Variants in SHANK2 observed in about 807,000 individuals in gnomAD.
SHANK2 encodes the protein SH3 and multiple ankyrin repeat domains protein 2.
Under a neutral mutation model 133.7 loss-of-function variants are expected in SHANK2, and 43 were observed. That is an observed-to-expected ratio of 0.32 (90% CI 0.25 to 0.41). The LOEUF (loss-of-function observed/expected upper bound fraction) is 0.41. Among genes scored for constraint, SHANK2 ranks in the 10% least tolerant of loss-of-function variants. The pLI is 1.00. For missense variants in SHANK2, 1,994 were observed against 2,235.8 expected (o/e 0.89, Z 2.18); for synonymous variants, 1,017 against 952.8 (o/e 1.07, Z -1.24).
At chr11:71,106,826 G>A (rs1332764469) in intron 6 of SHANK2, among the ~76,000 whole-genome samples, 1 of 151,948 alleles carries the variant, frequency 6.6e-6, no homozygotes, top group Non-Finnish European at 1.5e-5. Context: ...AGGAAGGGGA[G>A]GGAAGGGGAG....
chr11:70,717,795 C>T (rs1323264782), intron 14 of SHANK2, among the ~76,000 whole-genome samples: 1 of 148,488 alleles, frequency 6.7e-6, no homozygotes, highest in Non-Finnish European at 1.5e-5. Flanking sequence ...TCATCTACTA[C>T]TGCCTGTTAA....
chr11:70,518,566 T>G (rs993097100), intron 17 of SHANK2, among the ~76,000 whole-genome samples: 3 of 152,238 alleles, frequency 2.0e-5, no homozygotes, highest in African/African-American at 4.8e-5. Flanking sequence ...CATTCCTCTT[T>G]TATCCCTTTG....
intron 14 of SHANK2, among the ~76,000 whole-genome samples, chr11:70,712,788 A>T (rs1945819591): frequency 6.6e-6 from 1 of 152,170 alleles, no homozygotes; most frequent in South Asian, 2.1e-4. Flanking sequence ...CCACATGCTC[A>T]GGGGGCCACG....
intron 15 of SHANK2, among the ~76,000 whole-genome samples, chr11:70,666,119 A>G (rs986553458): frequency 1.3e-5 from 2 of 152,170 alleles, no homozygotes; most frequent in African/African-American, 4.8e-5. Context: ...GGTTTCGAGT[A>G]AAAAGGCACC....
rs782335652 is a variant in SHANK2, at chr11:70,487,519, T to C, written c.2774A>G (p.Asn925Ser). The change falls in exon 25 of 26, where the codon AAT becomes AGT. Residue 925 changes from asparagine to serine, a missense_variant. Asn to Ser is a conservative substitution (Grantham distance 46, BLOSUM62 1). This residue lies in a region of SHANK2 where 488 missense variants were observed against 642.6 expected (regional missense o/e 0.76). Coordinates refer to ENST00000601538, the MANE Select transcript of SHANK2 (RefSeq NM_012309.5). This position sits in a 1 kb window ranked among gnomAD's most constrained non-coding sequence, Gnocchi z 5.8. ...GGACACCTTGGCGGCAGAATTCTGATTGAACGCAGGCTTAATCGTCCCGTA... is the reference window on the plus strand; with the variant it reads ...GGACACCTTGGCGGCAGAATTCTGACTGAACGCAGGCTTAATCGTCCCGTA... ...RVYGTIKPAF[N>S]QNSAAKVSPA... 1 of 1,613,860 alleles carries C rather than the reference T, an allele frequency of 6.2e-7. No homozygotes were observed. Among genetic ancestry groups the C allele is most frequent in the Non-Finnish European group, 8.5e-7 (1 of 1,180,002 alleles).
chr11:70,904,236 C>T lies in SHANK2; in HGVS notation c.1108-7669G>A, dbSNP rs532849587. 1.8e-4 allele frequency among the ~76,000 whole-genome samples: 27 copies of T among 152,320 alleles called. No individual in the cohort carries two copies. The South Asian group carries it at 5.6e-3, about 32-fold the overall frequency. On this transcript the variant is annotated intron_variant, in intron 10 of 25. Transcript: ENST00000601538. ...ATTATCTGAGTCTCATGCCAAAGGA[C>T]AGTGCTCGGTGCCCACAGGGCCCGA...
At chr11:70,672,781 C>T (rs572890687) in intron 15 of SHANK2, among the ~76,000 whole-genome samples, 27 of 152,368 alleles carry the variant, frequency 1.8e-4, no homozygotes, top group Non-Finnish European at 3.7e-4. Flanking sequence ...GAAGGCAGGA[C>T]GGTTCTGCCC....
chr11:70,496,635 G>A (rs1463236000), intron 21 of SHANK2, among the ~76,000 whole-genome samples: 2 of 152,228 alleles, frequency 1.3e-5, no homozygotes, highest in Non-Finnish European at 2.9e-5. Context: ...TTGTTCCCAT[G>A]TCGAAGGGAA....
At chr11:70,501,830 A>T in intron 20 of SHANK2, 93 bp downstream of exon 20, 2 of 1,329,010 alleles carry the variant, frequency 1.5e-6, no homozygotes, top group South Asian at 2.5e-5. Flanking sequence ...AGCAGCTCAC[A>T]CAGGCCTCCG....
chr11:71,081,145 C>T (rs956073240), intron 8 of SHANK2, among the ~76,000 whole-genome samples: 2 of 152,156 alleles, frequency 1.3e-5, no homozygotes, highest in African/African-American at 4.8e-5. Flanking sequence ...GACACAGACA[C>T]ACAGAGGGAC....
intron 14 of SHANK2, among the ~76,000 whole-genome samples, chr11:70,797,611 A>G (rs925725600): frequency 1.1e-4 from 16 of 152,192 alleles, no homozygotes; most frequent in African/African-American, 3.9e-4. Context: ...GTGAGCCCAC[A>G]GACTAGGAAC....
chr11:70,495,382 TC>T (rs776908530), intron 21 of SHANK2, among the ~76,000 whole-genome samples: 1 of 152,220 alleles, frequency 6.6e-6, no homozygotes, highest in Non-Finnish European at 1.5e-5. Context: ...GCTGGGCTTC[TC>T]CCCCTTGACT....
At chr11:70,626,202 T>G (rs901865741) in intron 17 of SHANK2, among the ~76,000 whole-genome samples, 7 of 152,354 alleles carry the variant, frequency 4.6e-5, no homozygotes, top group Middle Eastern at 6.8e-3. Flanking sequence ...AGACATGTTT[T>G]CTGGTCCACT....
chr11:70,592,386 C>T (rs12362651), intron 17 of SHANK2, among the ~76,000 whole-genome samples: 1 of 152,206 alleles, frequency 6.6e-6, no homozygotes, highest in African/African-American at 2.4e-5. Context: ...GGCAGGACTT[C>T]TGCTGACTCG....
chr11:70,481,890 T>G (rs1408454729), intron 25 of SHANK2, among the ~76,000 whole-genome samples: 2 of 152,320 alleles, frequency 1.3e-5, no homozygotes, highest in South Asian at 2.1e-4. Context: ...TGCTGAGAGA[T>G]AGGTCTGTGG....
chr11:71,103,802 A>G (rs2135179000), intron 6 of SHANK2, among the ~76,000 whole-genome samples: 1 of 148,458 alleles, frequency 6.7e-6, no homozygotes, highest in Non-Finnish European at 1.5e-5. Context: ...GCAAGATCTG[A>G]TTGTTTAAAG....
intron 6 of SHANK2, among the ~76,000 whole-genome samples, chr11:71,104,678 C>T (rs1221304134): frequency 1.3e-5 from 2 of 152,142 alleles, no homozygotes; most frequent in Non-Finnish European, 2.9e-5. Flanking sequence ...TCTTTTCCCC[C>T]GTCACCCTGG....
At chr11:71,209,790 C>T (rs781943513) in intron 2 of SHANK2, among the ~76,000 whole-genome samples, 1 of 152,154 alleles carries the variant, frequency 6.6e-6, no homozygotes. Context: ...AGAGCACCTG[C>T]CGTGAGCTGC....
chr11:71,129,398 C>T (rs1306055954), intron 3 of SHANK2, among the ~76,000 whole-genome samples: 2 of 152,188 alleles, frequency 1.3e-5, no homozygotes, highest in East Asian at 1.9e-4. Flanking sequence ...ATCTACACCC[C>T]TCTTAGTACA....
Sources: allele counts gnomAD v4.1 joint callset (sites outside exome capture counted in the v4.1 genomes callset), GRCh38; gene constraint gnomAD v4.1.1; regional missense constraint gnomAD v4.1.1; non-coding constraint Gnocchi (gnomAD v3.1); transcripts MANE v1.5; gene names NCBI Gene and HGNC (gene_info 2026-07-23, HGNC 2026-07-21).